Variants in NRXN2 observed in about 807,000 individuals in gnomAD.
NRXN2 encodes the protein neurexin 2.
In NRXN2, 29 loss-of-function variants were observed where a neutral mutation model predicts 128.8. That is an observed-to-expected ratio of 0.23 (90% confidence interval 0.17 to 0.31). The LOEUF is 0.31. Ranked by LOEUF, NRXN2 falls within the 10% of genes least tolerant of loss-of-function variation. The pLI, the probability that NRXN2 is intolerant of heterozygous loss-of-function variation, is 1.00. For synonymous variants in NRXN2, 1,098 were observed against 1,075.2 expected, an observed-to-expected ratio of 1.02 and a Z score of -0.41; for missense variants, 1,881 against 2,452.6, an observed-to-expected ratio of 0.77 and a Z score of 4.92.
In NRXN2 at chr11:64,623,441, C is replaced by T. The variant is rs2042657752; in HGVS notation, c.3848-363G>A. 1 of 317,112 alleles carries T rather than the reference C, an allele frequency of 3.2e-6. No individual in the cohort carries two copies. Among genetic ancestry groups the T allele is most frequent in the Non-Finnish European group, 6.0e-6 (1 of 166,800 alleles). 19.6% of individuals were successfully genotyped at this position (317,112 alleles called of 1,614,324 possible). On this transcript the variant is annotated intron_variant, in intron 20 of 22. Coordinates refer to ENST00000265459, the MANE Select transcript of NRXN2 (RefSeq NM_015080.4). This position sits in a 1 kb window ranked among gnomAD's most constrained non-coding sequence, Gnocchi z 4.9. ...CCCTCTTCATCCTCTTCCCTCAGTC[C>T]ATCCCCATCTTCTCCCTCTGCTTCC...
At chr11:64,692,976 G>A (rs2054028039) in intron 3 of NRXN2, 100 bp from the exon 4 acceptor site, 1 of 1,057,980 alleles carries the variant, frequency 9.5e-7, no homozygotes, top group Non-Finnish European at 1.4e-6. Flanking sequence ...ATCAAAATCA[G>A]CCAGAGAGAA....
intron 12 of NRXN2, among the ~76,000 whole-genome samples, chr11:64,652,665 C>G (rs2047637875): frequency 6.6e-6 from 1 of 152,180 alleles, no homozygotes; most frequent in Non-Finnish European, 1.5e-5. Context: ...CTCTGTTACA[C>G]AGACACCAGC....
chr11:64,613,031 CTG>C (rs926225821), intron 22 of NRXN2, among the ~76,000 whole-genome samples: 3 of 152,268 alleles, frequency 2.0e-5, no homozygotes, highest in African/African-American at 4.8e-5. Flanking sequence ...ACCTGTGCCA[CTG>C]TGTATGGTGC....
Position 64,694,074 on chromosome 11 carries a change from C to T in NRXN2, c.749-1198G>A, listed in dbSNP as rs555917980. Among the ~76,000 whole-genome samples, 34 of 152,302 alleles carry T rather than the reference C, an allele frequency of 2.2e-4. No individual in the cohort carries two copies. The South Asian group carries it at 6.6e-3, about 30-fold the overall frequency. On this transcript the variant is annotated intron_variant, in intron 3 of 22. Transcript: ENST00000265459. ...ACTGGATCAGTACCCTTGTCCCCAACAGGCACCAGCCAAGGAAAGCTCTCT... is the reference window on the plus strand; with the variant it reads ...ACTGGATCAGTACCCTTGTCCCCAATAGGCACCAGCCAAGGAAAGCTCTCT...
rs549956940 is a variant in NRXN2, at chr11:64,608,464, GT to G, written c.4253-383del. On this transcript the variant is annotated intron_variant, in intron 22 of 22. Coordinates refer to ENST00000265459, the MANE Select transcript of NRXN2 (RefSeq NM_015080.4). ...AAACCTAACAACAATATCTTTTAGG[GT>G]TTTTTTTCTAGATTTTTCTCTTTTT... Among the ~76,000 whole-genome samples, 172 of 137,646 alleles carry G rather than the reference GT, an allele frequency of 1.2e-3. 1 individual carries two copies. Among genetic ancestry groups the G allele is most frequent in the African/African-American group, 4.2e-3 (159 of 38,144 alleles). The allele number at this position is 137,646 out of a possible 152,430, so 90.3% of individuals were successfully genotyped here. A position where few individuals can be genotyped will look rare whatever the true frequency, so the allele number is the denominator to read the frequency against.
At chr11:64,710,377 A>G (rs1221838701) in intron 2 of NRXN2, among the ~76,000 whole-genome samples, 1 of 152,150 alleles carries the variant, frequency 6.6e-6, no homozygotes, top group Non-Finnish European at 1.5e-5. Context: ...TCACACAGTT[A>G]CTCAAACACA....
chr11:64,716,189 G>A (rs942208593), intron 1 of NRXN2, among the ~76,000 whole-genome samples: 1 of 152,172 alleles, frequency 6.6e-6, no homozygotes, highest in African/African-American at 2.4e-5. Context: ...ATTTTGGGGA[G>A]GGAATTAATT....
Position 64,630,898 on chromosome 11 carries a change from G to A in NRXN2, c.3586-325C>T, listed in dbSNP as rs1342155099. Among the ~76,000 whole-genome samples the A allele has an allele frequency of 1.3e-5, 2 of 152,244 alleles. No homozygotes were observed. Among genetic ancestry groups the A allele is most frequent in the Admixed American group, 6.5e-5 (1 of 15,292 alleles). On this transcript the variant is annotated intron_variant, in intron 18 of 22. Coordinates refer to ENST00000265459, the MANE Select transcript of NRXN2 (RefSeq NM_015080.4). This position sits in a 1 kb window ranked among gnomAD's most constrained non-coding sequence, Gnocchi z 4.6. ...AGGGCCACTGGGCCCAGACAGGGGT[G>A]ATCGGGCCAAGCTGGGGACCAGCTC...
chr11:64,629,704 C>T (rs774228701), intron 19 of NRXN2, among the ~76,000 whole-genome samples: 2 of 152,132 alleles, frequency 1.3e-5, no homozygotes, highest in South Asian at 2.1e-4. Flanking sequence ...CTGAGTGCCC[C>T]GGACCTAGCA....
At chr11:64,652,211 C>A in intron 12 of NRXN2, 57 bp from the exon 13 acceptor site, 1 of 1,563,468 alleles carries the variant, frequency 6.4e-7, no homozygotes, top group Non-Finnish European at 8.6e-7. Flanking sequence ...AGGTGACTTC[C>A]TATATCACCT....
Position 64,660,853 on chromosome 11 carries a change from T to C in NRXN2, c.2085A>G (p.Ala695=), listed in dbSNP as rs984147748. The change falls in exon 10 of 23, where the codon GCA becomes GCG. Residue 695 remains alanine, a synonymous_variant. Coordinates refer to ENST00000265459, the MANE Select transcript of NRXN2 (RefSeq NM_015080.4). The surrounding 1 kb of genome is among the most constrained non-coding windows in gnomAD (Gnocchi z 5.2). ...FCSRETLKQC[A]SAPCRNGGVC... is the part of the protein sequence containing the mutation. ...CGCCCCCATTGCGACAGGGGGCAGA[T>C]GCACACTGCTTCAGCGTCTCCCGGG... 13 of 1,613,862 alleles carry C rather than the reference T, an allele frequency of 8.1e-6. No homozygotes were observed. Among genetic ancestry groups the C allele is most frequent in the Non-Finnish European group, 1.1e-5 (13 of 1,179,972 alleles).
chr11:64,704,362 A>G (rs771970769), intron 2 of NRXN2, among the ~76,000 whole-genome samples: 22 of 152,238 alleles, frequency 1.4e-4, no homozygotes, highest in Non-Finnish European at 2.8e-4. Context: ...ACACCCGGGC[A>G]ATTAAGAATT....
chr11:64,642,781 G>A (rs775813353), intron 17 of NRXN2: 61 of 1,173,730 alleles, frequency 5.2e-5, no homozygotes, highest in Non-Finnish European at 6.4e-5. Flanking sequence ...GCACCCCCCC[G>A]GCCCGCTCCC....
At chr11:64,699,863 A>G (rs1161456530) in intron 2 of NRXN2, among the ~76,000 whole-genome samples, 1 of 152,158 alleles carries the variant, frequency 6.6e-6, no homozygotes, top group Non-Finnish European at 1.5e-5. Context: ...AGTCAGCACA[A>G]TTGTCTCACC....
At position 64,630,409 on chromosome 11, in the gene NRXN2, G is replaced by A. The variant is rs762211204; in HGVS notation, c.3750C>T (p.Tyr1250=). ...CGGGCCCGCGCCGCCTACCTGCCGG[G>A]TACCGCTCGTTGACCGGCCAGCTGT... is the stretch of plus-strand genomic sequence containing the variant. ...QVDSWPVNER[Y]PAGNFDNERL... is the part of the protein sequence containing the mutation. The change falls in exon 19 of 23, where the codon TAC becomes TAT. Residue 1250 remains tyrosine (Y), a synonymous_variant. Transcript: ENST00000265459. This position sits in a 1 kb window ranked among gnomAD's most constrained non-coding sequence, Gnocchi z 4.6. 2.5e-6 allele frequency: 4 copies of A among 1,611,604 alleles called. No homozygotes were observed. Among genetic ancestry groups the A allele is most frequent in the South Asian group, 2.2e-5 (2 of 91,050 alleles).
At chr11:64,697,743 C>T (rs1307768977) in intron 3 of NRXN2, 32 bp downstream of exon 3, 3 of 1,613,264 alleles carry the variant, frequency 1.9e-6, no homozygotes, top group Non-Finnish European at 2.5e-6. Context: ...GCAACAGATC[C>T]ACTACCCCAG....
chr11:64,619,891 G>A (rs1424173342), intron 22 of NRXN2, among the ~76,000 whole-genome samples: 1 of 152,174 alleles, frequency 6.6e-6, no homozygotes, highest in African/African-American at 2.4e-5. Context: ...GAGAGCACCA[G>A]GCCTCAGGGG....
chr11:64,718,881 C>A lies in NRXN2; in HGVS notation c.-245+4090G>T, dbSNP rs57037565. On this transcript the variant is annotated intron_variant, in intron 1 of 22. Transcript: ENST00000265459. ...TTTCCACACCCAGCCACAACCTCAG[C>A]AGCAGCAAAAACAAGACAGCACAGT... Among the ~76,000 whole-genome samples the A allele has an allele frequency of 3.0e-3, 454 of 152,274 alleles. 1 individual carries two copies. The highest frequency in any genetic ancestry group is 0.011 in the African/African-American group (442 of 41,552).
chr11:64,651,567 C>T lies in NRXN2; in HGVS notation c.2606G>A (p.Arg869Gln), dbSNP rs747715960. ...GTTGGAGGGCACCACGGAGATAAAC[C>T]GCCGCTCCGTCATGATGCCCGTCTC... ...NIETGIMTER[R>Q]FISVVPSNFI... The change falls in exon 14 of 23, where the codon CGG becomes CAG. Residue 869 changes from arginine (R) to glutamine (Q), a missense_variant. By Grantham distance (43) the Arg-to-Gln change is conservative. Coordinates refer to ENST00000265459, the MANE Select transcript of NRXN2 (RefSeq NM_015080.4). The surrounding 1 kb of genome is among the most constrained non-coding windows in gnomAD (Gnocchi z 5.9). The T allele has an allele frequency of 3.7e-6, 6 of 1,614,132 alleles. No homozygotes were observed. Among genetic ancestry groups the T allele is most frequent in the South Asian group, 2.2e-5 (2 of 91,082 alleles).
Sources: gnomAD v4.1 joint callset for allele counts (sites outside exome capture counted in the v4.1 genomes callset) on GRCh38, gnomAD v4.1.1 for gene constraint, Gnocchi (gnomAD v3.1) non-coding constraint, MANE v1.5 for transcripts, NCBI Gene and HGNC (gene_info 2026-07-23, HGNC 2026-07-21) for gene names.